TLE4: variants seen among roughly 807,000 people sequenced by gnomAD.
TLE4 encodes TLE family member 4, transcriptional corepressor.
A neutral mutation model predicts 92.8 loss-of-function variants in TLE4; 8 were observed. The observed-to-expected ratio is 0.09, with a 90% CI of 0.05 to 0.16. The LOEUF (loss-of-function observed/expected upper bound fraction) is 0.16, where lower values mean the gene tolerates loss of function less well. TLE4 is among the 10% of genes least tolerant of loss of function. The probability of loss-of-function intolerance (pLI) is 1.00; values close to 1 mark genes in which losing one functional copy is unlikely to be tolerated. For missense variants in TLE4, 675 were observed against 997.6 expected (o/e 0.68, Z 4.36); for synonymous variants, 371 against 374.1 (o/e 0.99, Z 0.10).
intron 16 of TLE4, among the ~76,000 whole-genome samples, chr9:79,721,199 C>T (rs1271928223): frequency 1.3e-5 from 2 of 152,146 alleles, no homozygotes; most frequent in African/African-American, 2.4e-5. Context: ...TACGTTTTGC[C>T]ATGAGTGATT....
chr9:79,614,003 C>G (rs900855405), intron 5 of TLE4, among the ~76,000 whole-genome samples: 1 of 152,080 alleles, frequency 6.6e-6, no homozygotes, highest in African/African-American at 2.4e-5. Flanking sequence ...AGTCATGTCC[C>G]CATTTGCCTG....
chr9:79,674,982 T>G (rs1388476479), intron 8 of TLE4, among the ~76,000 whole-genome samples: 1 of 152,190 alleles, frequency 6.6e-6, no homozygotes, highest in African/African-American at 2.4e-5. Flanking sequence ...TCCCCCAATT[T>G]GGATTTTCTA....
chr9:79,643,899 G>A (rs568374064), intron 6 of TLE4, among the ~76,000 whole-genome samples: 1 of 152,232 alleles, frequency 6.6e-6, no homozygotes, highest in East Asian at 1.9e-4. Context: ...GTAAAGAAGA[G>A]CTTTTCCTGT....
intron 11 of TLE4, among the ~76,000 whole-genome samples, chr9:79,707,605 C>T (rs543009620): frequency 5.3e-5 from 8 of 152,264 alleles, no homozygotes; most frequent in African/African-American, 1.7e-4. Flanking sequence ...GGGATAAGTG[C>T]GACGGGCTAG....
chr9:79,607,282 A>G (rs2047261130), intron 4 of TLE4, among the ~76,000 whole-genome samples: 1 of 152,134 alleles, frequency 6.6e-6, no homozygotes, highest in African/African-American at 2.4e-5. Flanking sequence ...GCCTTTTGTC[A>G]GGTGGGTAGA....
intron 4 of TLE4, among the ~76,000 whole-genome samples, chr9:79,593,468 G>A (rs548442152): frequency 2.4e-4 from 36 of 152,226 alleles, no homozygotes; most frequent in African/African-American, 8.7e-4. Flanking sequence ...CTAATTATCA[G>A]TTCTACACTC....
At chr9:79,575,699 A>G in intron 3 of TLE4, 1 of 154,200 alleles carries the variant, frequency 6.5e-6, no homozygotes, top group East Asian at 1.9e-4. Flanking sequence ...TGAGCAGTAC[A>G]CTAACAAATC....
At chr9:79,644,957 GAGAGTCATT>G (rs2134014257) in intron 6 of TLE4, among the ~76,000 whole-genome samples, 1 of 152,314 alleles carries the variant, frequency 6.6e-6, no homozygotes, top group Non-Finnish European at 1.5e-5. Context: ...GCACTGGCCT[GAGAGTCATT>G]ATCTGTCTCT....
At chr9:79,657,599 A>G (rs1204871454) in intron 8 of TLE4, among the ~76,000 whole-genome samples, 1 of 152,068 alleles carries the variant, frequency 6.6e-6, no homozygotes, top group African/African-American at 2.4e-5. Context: ...AACCAGTGCT[A>G]TTAGGTTCCT....
At chr9:79,598,141 C>T (rs547166687) in intron 4 of TLE4, among the ~76,000 whole-genome samples, 3 of 148,012 alleles carry the variant, frequency 2.0e-5, no homozygotes, top group Non-Finnish European at 3.0e-5. Flanking sequence ...CTCAGCTGCT[C>T]GGGAGGCTGA....
At chr9:79,608,148 G>A (rs1458292049) in intron 4 of TLE4, among the ~76,000 whole-genome samples, 2 of 152,140 alleles carry the variant, frequency 1.3e-5, no homozygotes, top group Non-Finnish European at 2.9e-5. Flanking sequence ...TGTGTTACAT[G>A]TTATTAACAC....
chr9:79,685,037 C>T (rs896086020), intron 8 of TLE4, among the ~76,000 whole-genome samples: 1 of 152,180 alleles, frequency 6.6e-6, no homozygotes, highest in Non-Finnish European at 1.5e-5. Flanking sequence ...AATTTCAGTG[C>T]TTCCCTTCTC....
chr9:79,714,305 T>G (rs928473509), intron 14 of TLE4, among the ~76,000 whole-genome samples: 4 of 152,236 alleles, frequency 2.6e-5, no homozygotes, highest in African/African-American at 9.6e-5. Context: ...GCTGGCATTC[T>G]GGTCCTTCCC....
chr9:79,584,349 C>T (rs545433912), intron 4 of TLE4, among the ~76,000 whole-genome samples: 1 of 152,258 alleles, frequency 6.6e-6, no homozygotes, highest in South Asian at 2.1e-4. Context: ...TTGCCTCTGC[C>T]CTGCCCAAAG....
Position 79,726,127 on chromosome 9 carries a change from G to A in TLE4, c.*983G>A, listed in dbSNP as rs1160467014. The A allele has an allele frequency of 6.6e-6, 1 of 152,630 alleles. No individual in the cohort carries two copies. The highest frequency in any genetic ancestry group is 1.5e-5 in the Non-Finnish European group (1 of 68,042). 9.5% of individuals were successfully genotyped at this position (152,630 alleles called of 1,614,324 possible). On this transcript the variant is annotated 3_prime_UTR_variant, in exon 20 of 20. Coordinates refer to ENST00000376552, the MANE Select transcript of TLE4 (RefSeq NM_007005.6). ...TCTTTTACAAAACAAGGACAGCAGAGGAGGGTTTGCAGAGACCTCCCTCTG... is the reference window on the plus strand; with the variant it reads ...TCTTTTACAAAACAAGGACAGCAGAAGAGGGTTTGCAGAGACCTCCCTCTG...
intron 6 of TLE4, among the ~76,000 whole-genome samples, chr9:79,632,477 C>A (rs993133619): frequency 7.2e-5 from 11 of 152,134 alleles, no homozygotes; most frequent in Non-Finnish European, 1.3e-4. Flanking sequence ...ACTTTCCCGG[C>A]AGACACTTAG....
At chr9:79,573,134 G>T in intron 1 of TLE4, 4 of 687,332 alleles carry the variant, frequency 5.8e-6, no homozygotes, top group Non-Finnish European at 7.8e-6. Flanking sequence ...GGGGGGTGGC[G>T]AGCGATGAAG....
At chr9:79,702,106 C>G (rs1588430785) in intron 8 of TLE4, among the ~76,000 whole-genome samples, 1 of 152,138 alleles carries the variant, frequency 6.6e-6, no homozygotes, top group Non-Finnish European at 1.5e-5. Context: ...GGAAAAAAGG[C>G]TACAGGTGCA....
rs566847060 is a variant in TLE4, at chr9:79,586,106, C to T, written c.252+9929C>T. ...TAGAAAACTTAGGCTGGGCACGTGG[C>T]TTACGCCTGTAATCCCAGCACTTTG... is the stretch of plus-strand genomic sequence containing the variant. On this transcript the variant is annotated intron_variant, in intron 4 of 19. Transcript: ENST00000376552. 2.8e-5 allele frequency among the ~76,000 whole-genome samples: 4 copies of T among 142,568 alleles called. No homozygotes were observed. The South Asian group carries it at 9.7e-4, about 35-fold the overall frequency. 93.5% of individuals were successfully genotyped at this position (142,568 alleles called of 152,430 possible).
Sources: gnomAD v4.1 joint callset for allele counts (sites outside exome capture counted in the v4.1 genomes callset) on GRCh38, gnomAD v4.1.1 for gene constraint, MANE v1.5 for transcripts, NCBI Gene and HGNC (gene_info 2026-07-23, HGNC 2026-07-21) for gene names.